LRRFIP1: variants seen among roughly 807,000 people sequenced by gnomAD.
LRRFIP1 encodes leucine-rich repeat flightless-interacting protein 1.
LRRFIP1 carries 62 observed loss-of-function variants against 104.4 expected under a neutral mutation model. The ratio of observed to expected loss-of-function variants is 0.59; its 90% CI spans 0.48 to 0.73. LRRFIP1 has a LOEUF of 0.73. Among genes scored for constraint, LRRFIP1 ranks in the 30% least tolerant of loss-of-function variants. The pLI is 0.00. For missense variants in LRRFIP1, 796 were observed against 824.5 expected, an observed-to-expected ratio of 0.97 and a Z score of 0.42; for synonymous variants, 300 against 299.0, an observed-to-expected ratio of 1.00 and a Z score of -0.03.
chr2:237,663,845 G>A (rs1055235745), intron 1 of LRRFIP1, among the ~76,000 whole-genome samples: 1 of 152,162 alleles, frequency 6.6e-6, no homozygotes, highest in Non-Finnish European at 1.5e-5. Flanking sequence ...AAAGGTTCAC[G>A]TGCATTCGCC....
At chr2:237,764,651 C>T (rs2060144118) in intron 19 of LRRFIP1, 1 of 988,538 alleles carries the variant, frequency 1.0e-6, no homozygotes, top group Non-Finnish European at 1.2e-6. Flanking sequence ...AGGAGATAAA[C>T]AGCCAAATAG....
Position 237,771,686 on chromosome 2 carries a change from G to C in LRRFIP1, c.1510-395G>C, listed in dbSNP as rs55730641. Reference sequence around the variant, plus strand: ...TCTGAACACACCTGCAGCTGGCCTGGACGCTGAGAAAGCACTCGACTTTTG... The same window carrying C: ...TCTGAACACACCTGCAGCTGGCCTGCACGCTGAGAAAGCACTCGACTTTTG... On this transcript the variant is annotated intron_variant, in intron 20 of 23. Coordinates refer to ENST00000308482, the MANE Select transcript of LRRFIP1 (RefSeq NM_001137550.2). Among the ~76,000 whole-genome samples, 1,017 of 152,130 alleles carry C rather than the reference G, an allele frequency of 6.7e-3. 9 individuals carry two copies. The highest frequency in any genetic ancestry group is 0.027 in the Middle Eastern group (8 of 294).
intron 8 of LRRFIP1, 116 bp from the exon 9 acceptor site, chr2:237,733,658 C>T: frequency 1.0e-6 from 1 of 987,630 alleles, no homozygotes; most frequent in Non-Finnish European, 1.6e-6. Context: ...TTCTGTTTAA[C>T]CACTGTACAG....
At chr2:237,729,499 C>T (rs147509637) in intron 8 of LRRFIP1, among the ~76,000 whole-genome samples, 1 of 152,166 alleles carries the variant, frequency 6.6e-6, no homozygotes, top group Non-Finnish European at 1.5e-5. Flanking sequence ...AATTACGAAT[C>T]GTGCTAGGGA....
Position 237,691,873 on chromosome 2 carries a change from C to A in LRRFIP1, c.97-16671C>A, listed in dbSNP as rs11898139. On this transcript the variant is annotated intron_variant, in intron 1 of 23. Transcript: ENST00000308482. This position sits in a 1 kb window ranked among gnomAD's most constrained non-coding sequence, Gnocchi z 5.4. ...GATGGACAGCCCGGGAGGGGCGGGG[C>A]AGGACCAGGAAGATCCTTCCGAGAC... Among the ~76,000 whole-genome samples, 208 of 151,244 alleles carry A rather than the reference C, an allele frequency of 1.4e-3. 1 individual carries two copies. Among genetic ancestry groups the A allele is most frequent in the African/African-American group, 5.0e-3 (204 of 41,198 alleles).
chr2:237,692,123 A>C (rs1559556299), intron 1 of LRRFIP1: 19 of 673,214 alleles, frequency 2.8e-5, no homozygotes, highest in South Asian at 7.6e-5. Flanking sequence ...CGTAGCCGGG[A>C]GGGCCCCTCC....
rs909421012 is a variant in LRRFIP1, at chr2:237,717,444, A to G, written c.202-318A>G. ...GAGCAGCCTGTTGGAGGGGGCGTGA[A>G]GGCTGCTGGGCCGGCTTTACTGTCC... On this transcript the variant is annotated intron_variant, in intron 3 of 23. Transcript: ENST00000308482. This position sits in a 1 kb window ranked among gnomAD's most constrained non-coding sequence, Gnocchi z 4.2. 2.6e-5 allele frequency among the ~76,000 whole-genome samples: 4 copies of G among 152,126 alleles called. No individual in the cohort carries two copies. The highest frequency in any genetic ancestry group is 9.7e-5 in the African/African-American group (4 of 41,420).
Position 237,694,599 on chromosome 2 carries a change from C to T in LRRFIP1, c.97-13945C>T, listed in dbSNP as rs143876567. 1.5e-3 allele frequency among the ~76,000 whole-genome samples: 222 copies of T among 152,234 alleles called. 2 individuals are homozygous for T. The highest frequency in any genetic ancestry group is 5.1e-3 in the African/African-American group (210 of 41,528). ...TTGCTCTGCATTGTGTCCGTGGGTT[C>T]AGGGATGGGTCTCCTGCGGAAAGGA... On this transcript the variant is annotated intron_variant, in intron 1 of 23. Coordinates refer to ENST00000308482, the MANE Select transcript of LRRFIP1 (RefSeq NM_001137550.2).
intron 19 of LRRFIP1, chr2:237,764,098 G>A: frequency 1.9e-6 from 3 of 1,614,214 alleles, no homozygotes; most frequent in Non-Finnish European, 2.5e-6. Context: ...CCAGAGGAGG[G>A]AATGAGAAGG....
chr2:237,706,033 AT>A (rs1374413654), intron 1 of LRRFIP1, among the ~76,000 whole-genome samples: 1 of 152,192 alleles, frequency 6.6e-6, no homozygotes, highest in Non-Finnish European at 1.5e-5. Flanking sequence ...GATTTTAATT[AT>A]TTTTTTAATA....
intron 2 of LRRFIP1, chr2:237,708,879 G>A (rs535413440): frequency 1.6e-4 from 101 of 618,062 alleles, no homozygotes; most frequent in East Asian, 1.4e-3. Context: ...TGCGCAGATC[G>A]TCGTTTCTAG....
chr2:237,672,561 A>G (rs1479637982), intron 1 of LRRFIP1, among the ~76,000 whole-genome samples: 1 of 152,240 alleles, frequency 6.6e-6, no homozygotes, highest in Non-Finnish European at 1.5e-5. Context: ...GTTTTCCATT[A>G]TGATCAGATG....
At chr2:237,689,641 C>G (rs2092632835) in intron 1 of LRRFIP1, among the ~76,000 whole-genome samples, 1 of 152,162 alleles carries the variant, frequency 6.6e-6, no homozygotes, top group African/African-American at 2.4e-5. Context: ...GTTCTCTTTC[C>G]TGGGCTGCCC....
intron 1 of LRRFIP1, among the ~76,000 whole-genome samples, chr2:237,650,725 G>A (rs1466455839): frequency 1.3e-5 from 2 of 152,250 alleles, no homozygotes; most frequent in Non-Finnish European, 2.9e-5. Context: ...AGGTGGAGAA[G>A]TATTTGCATT....
At position 237,694,045 on chromosome 2, in the gene LRRFIP1, G is replaced by A. The variant is rs189572216; in HGVS notation, c.97-14499G>A. Among the ~76,000 whole-genome samples the A allele has an allele frequency of 3.3e-4, 51 of 152,294 alleles. No individual in the cohort carries two copies. The South Asian group carries it at 7.9e-3, about 24-fold the overall frequency. ...CAGAACCCAATAAGCTTTGAAGACC[G>A]GAAGGTTTGTGTTTTGTTTTGTTTT... On this transcript the variant is annotated intron_variant, in intron 1 of 23. Coordinates refer to ENST00000308482, the MANE Select transcript of LRRFIP1 (RefSeq NM_001137550.2).
intron 19 of LRRFIP1, chr2:237,762,468 T>A: frequency 1.3e-6 from 1 of 768,206 alleles, no homozygotes; most frequent in Non-Finnish European, 2.1e-6. Flanking sequence ...CAAAGGCTTG[T>A]TTCTCATGAC....
chr2:237,727,215 G>A (rs1242033792), intron 7 of LRRFIP1, among the ~76,000 whole-genome samples: 6 of 152,078 alleles, frequency 3.9e-5, no homozygotes, highest in African/African-American at 1.2e-4. Flanking sequence ...AATTAGCCGG[G>A]CGTGGTGACG....
At chr2:237,705,004 T>C (rs1006696623) in intron 1 of LRRFIP1, among the ~76,000 whole-genome samples, 8 of 152,164 alleles carry the variant, frequency 5.3e-5, no homozygotes, top group African/African-American at 1.9e-4. Context: ...GGGAACCTTT[T>C]CCTGGGTGGA....
intron 7 of LRRFIP1, among the ~76,000 whole-genome samples, chr2:237,725,219 T>G (rs1335002655): frequency 6.6e-6 from 1 of 152,192 alleles, no homozygotes; most frequent in African/African-American, 2.4e-5. Context: ...GCCCTTTCTG[T>G]AGGTATCCTG....
Sources: allele counts gnomAD v4.1 joint callset (sites outside exome capture counted in the v4.1 genomes callset), GRCh38; gene constraint gnomAD v4.1.1; non-coding constraint Gnocchi (gnomAD v3.1); transcripts MANE v1.5; gene names NCBI Gene and HGNC (gene_info 2026-07-23, HGNC 2026-07-21).